The following IRAK1BP1 variants were observed in gnomAD, a reference collection of about 807,000 sequenced individuals.
The protein encoded by IRAK1BP1 is interleukin-1 receptor-associated kinase 1-binding protein 1.
Under a neutral mutation model 28.0 loss-of-function variants are expected in IRAK1BP1, and 24 were observed. That is an observed-to-expected ratio of 0.86 (90% CI 0.62 to 1.20). The LOEUF is 1.20. IRAK1BP1 is among the 50% of genes most tolerant of loss of function. IRAK1BP1 has a pLI of 0.00. For synonymous variants in IRAK1BP1, 131 were observed against 116.3 expected (o/e 1.13, Z -0.81); for missense variants, 336 against 316.7 (o/e 1.06, Z -0.46).
intron 4 of IRAK1BP1, among the ~76,000 whole-genome samples, chr6:78,932,260 C>T (rs373316682): frequency 2.1e-4 from 32 of 152,074 alleles, no homozygotes; most frequent in African/African-American, 7.2e-4. Flanking sequence ...CTCCAAATTT[C>T]GGTTAAAGTT....
intron 1 of IRAK1BP1, among the ~76,000 whole-genome samples, chr6:78,870,767 A>G (rs1039377860): frequency 6.6e-6 from 1 of 152,054 alleles, no homozygotes; most frequent in African/African-American, 2.4e-5. Context: ...CTGGAGTACA[A>G]TGGAGGCAGT....
chr6:78,902,960 A>T lies in IRAK1BP1; in HGVS notation c.*4626A>T, dbSNP rs113983096. ...TATTAAAACAATAAAACTCTTATAA[A>T]CCTGTTTATCAGAAGGATATTTCTG... On this transcript the variant is annotated 3_prime_UTR_variant, in exon 4 of 4. Transcript: ENST00000369940. 284 of 1,112,158 alleles carry T rather than the reference A, an allele frequency of 2.6e-4. 4 individuals carry two copies. The highest frequency in any genetic ancestry group is 2.4e-3 in the Middle Eastern group (12 of 5,066). The allele number at this position is 1,112,158 out of a possible 1,614,324, so 68.9% of individuals were successfully genotyped here. A position where few individuals can be genotyped will look rare whatever the true frequency, so the allele number is the denominator to read the frequency against.
intron 4 of IRAK1BP1, among the ~76,000 whole-genome samples, chr6:78,924,700 C>T (rs553274379): frequency 5.3e-5 from 8 of 152,264 alleles, no homozygotes; most frequent in South Asian, 4.1e-4. Context: ...TCCAGCAGCA[C>T]ATCAAAAAGC....
chr6:78,902,664 G>C lies in IRAK1BP1; in HGVS notation c.*4330G>C. 4.7e-6 allele frequency: 1 copy of C among 212,822 alleles called. No homozygotes were observed. The highest frequency in any genetic ancestry group is 9.3e-6 in the Non-Finnish European group (1 of 107,116). The allele number at this position is 212,822 out of a possible 1,614,324, so 13.2% of individuals were successfully genotyped here. ...CGTGTGACTGTAATCTCAGCTACCG[G>C]GGAGGCTGAAGCAGAAGAAACGCTC... On this transcript the variant is annotated 3_prime_UTR_variant, in exon 4 of 4. Transcript: ENST00000369940.
intron 4 of IRAK1BP1, among the ~76,000 whole-genome samples, chr6:78,920,988 C>A: frequency 6.6e-6 from 1 of 152,144 alleles, no homozygotes; most frequent in East Asian, 1.9e-4. Context: ...GTCTACAGCT[C>A]CTAGTGTGAG....
chr6:78,873,990 A>C (rs1770894203), intron 1 of IRAK1BP1, among the ~76,000 whole-genome samples: 1 of 152,162 alleles, frequency 6.6e-6, no homozygotes, highest in Admixed American at 6.5e-5. Context: ...AAGTTGTAAT[A>C]TGGGCTTTCA....
At chr6:78,935,499 T>C (rs745345489) in intron 4 of IRAK1BP1, 6 of 978,682 alleles carry the variant, frequency 6.1e-6, no homozygotes, top group Non-Finnish European at 7.3e-6. Context: ...TGCAAAGTGT[T>C]CCACTGAAAT....
At position 78,901,457 on chromosome 6, in the gene IRAK1BP1, T is replaced by A. The variant is rs1482054687; in HGVS notation, c.*3123T>A. On this transcript the variant is annotated 3_prime_UTR_variant, in exon 4 of 4. Coordinates refer to ENST00000369940, the MANE Select transcript of IRAK1BP1 (RefSeq NM_001010844.4). The stretch of plus-strand genomic sequence containing the variant: ...TATGATGAATTATTTAGGGGACCTG[T>A]GCCACAAAGTCTACTAGAATAAACC... 6.6e-6 allele frequency: 1 copy of A among 152,118 alleles called. No individual in the cohort carries two copies. Among genetic ancestry groups the A allele is most frequent in the East Asian group, 1.9e-4 (1 of 5,182 alleles). The allele number at this position is 152,118 out of a possible 1,614,324, so 9.4% of individuals were successfully genotyped here.
At chr6:78,927,966 A>G (rs547809842) in intron 4 of IRAK1BP1, among the ~76,000 whole-genome samples, 24 of 152,224 alleles carry the variant, frequency 1.6e-4, no homozygotes, top group African/African-American at 5.5e-4. Context: ...GAGTCAGATA[A>G]TGTGATTCCT....
downstream of IRAK1BP1, among the ~76,000 whole-genome samples, chr6:78,903,526 C>A (rs1772176762): frequency 6.6e-6 from 1 of 151,840 alleles, no homozygotes; most frequent in Admixed American, 6.6e-5. Flanking sequence ...TTTATATGCT[C>A]AGTATAATTA....
rs1389855688 is a variant in IRAK1BP1, at chr6:78,901,950, T to G, written c.*3616T>G. On this transcript the variant is annotated 3_prime_UTR_variant, in exon 4 of 4. Transcript: ENST00000369940. ...AGATTTGTTGATAAGAATTTAATAG[T>G]AAGGAGTTCTTATAGCCTATAAAAA... is the stretch of plus-strand genomic sequence containing the variant. The G allele has an allele frequency of 6.6e-6, 1 of 152,188 alleles. No individual in the cohort carries two copies. Among genetic ancestry groups the G allele is most frequent in the Non-Finnish European group, 1.5e-5 (1 of 68,034 alleles). 9.4% of individuals were successfully genotyped at this position (152,188 alleles called of 1,614,324 possible).
chr6:78,868,176 TTTTAAA>T (rs1456181901), intron 1 of IRAK1BP1, among the ~76,000 whole-genome samples: 1 of 152,274 alleles, frequency 6.6e-6, no homozygotes, highest in African/African-American at 2.4e-5. Flanking sequence ...GTGATTTTGT[TTTTAAA>T]TTTAAAGTGA....
At chr6:78,931,581 CTTT>C (rs925435815) in intron 4 of IRAK1BP1, among the ~76,000 whole-genome samples, 2 of 152,206 alleles carry the variant, frequency 1.3e-5, no homozygotes, top group African/African-American at 2.4e-5. Context: ...GTCACACAAA[CTTT>C]TTGTTTCCTG....
At chr6:78,967,951 G>A in the IRAK1BP1 span, among the ~76,000 whole-genome samples, 5 of 151,822 alleles carry the variant, frequency 3.3e-5, no homozygotes, top group East Asian at 5.8e-4. Context: ...TGGCTAACGC[G>A]GTGAAACCCT....
At chr6:78,897,233 A>G (rs1162676234) in intron 2 of IRAK1BP1, among the ~76,000 whole-genome samples, 1 of 149,928 alleles carries the variant, frequency 6.7e-6, no homozygotes, top group Non-Finnish European at 1.5e-5. Context: ...AGCCTGGGCA[A>G]CGTAGCAAGA....
At chr6:78,963,180 G>A in the IRAK1BP1 span, 1 of 1,610,894 alleles carries the variant, frequency 6.2e-7, no homozygotes, top group African/African-American at 1.3e-5. Flanking sequence ...TCCATCAAGA[G>A]GTTTATAGAT....
At chr6:78,867,942 G>T in intron 1 of IRAK1BP1, 51 bp downstream of exon 1, 6 of 1,483,916 alleles carry the variant, frequency 4.0e-6, no homozygotes, top group Non-Finnish European at 5.4e-6. Flanking sequence ...CAAAAGGGTT[G>T]GCAGATGGTC....
At chr6:78,871,145 C>A in intron 1 of IRAK1BP1, 1 of 421,690 alleles carries the variant, frequency 2.4e-6, no homozygotes. Context: ...GATCAAGGAG[C>A]CAGTAGATTT....
chr6:78,938,279 T>C (rs1300980173), intron 4 of IRAK1BP1: 1 of 151,716 alleles, frequency 6.6e-6, no homozygotes, highest in Non-Finnish European at 1.5e-5. Context: ...ATATACAGTG[T>C]CTGTAGAACA....
Sources: allele counts gnomAD v4.1 joint callset (sites outside exome capture counted in the v4.1 genomes callset), GRCh38; gene constraint gnomAD v4.1.1; transcripts MANE v1.5; gene names NCBI Gene and HGNC (gene_info 2026-07-23, HGNC 2026-07-21).